The following PARD3B variants were observed in gnomAD, a reference collection of about 807,000 sequenced individuals.
PARD3B encodes partitioning defective 3 homolog B.
In PARD3B, 103 loss-of-function variants were observed where a neutral mutation model predicts 130.2. The observed-to-expected ratio is 0.79, with a 90% confidence interval of 0.67 to 0.93. PARD3B has a LOEUF of 0.93. PARD3B is among the 40% of genes least tolerant of loss of function. The pLI is 0.00. For missense variants in PARD3B, 1,609 were observed against 1,499.2 expected, an observed-to-expected ratio of 1.07 and a Z score of -1.21; for synonymous variants, 583 against 553.2, an observed-to-expected ratio of 1.05 and a Z score of -0.76.
intron 4 of PARD3B, among the ~76,000 whole-genome samples, chr2:205,066,721 G>GAGGAAACAT (rs1279529483): frequency 6.6e-6 from 1 of 152,170 alleles, no homozygotes; most frequent in Non-Finnish European, 1.5e-5. Flanking sequence ...AATTTGTAAT[G>GAGGAAACAT]AGGAAACATG....
At chr2:204,978,196 C>T (rs1382391283) in intron 3 of PARD3B, among the ~76,000 whole-genome samples, 3 of 152,096 alleles carry the variant, frequency 2.0e-5, no homozygotes, top group African/African-American at 7.2e-5. Context: ...GAGAGAGTAA[C>T]CAACACAAAC....
intron 2 of PARD3B, among the ~76,000 whole-genome samples, chr2:204,804,063 A>G (rs2042675889): frequency 6.6e-6 from 1 of 152,120 alleles, no homozygotes. Flanking sequence ...AAAAACAACA[A>G]CAACAAAAAA....
chr2:205,042,253 T>A (rs578014883), intron 3 of PARD3B, among the ~76,000 whole-genome samples: 60 of 152,268 alleles, frequency 3.9e-4, no homozygotes, highest in African/African-American at 1.3e-3. Context: ...AAAATAGTGA[T>A]TACTGGAGAA....
rs769502547 is a variant in PARD3B at position 205,121,776 on chromosome 2, C to G, written c.992C>G (p.Ala331Gly). The G allele has an allele frequency of 3.7e-6, 6 of 1,614,094 alleles. No homozygotes were observed. The highest frequency in any genetic ancestry group is 2.2e-5 in the East Asian group (1 of 44,870). Residue 331 changes from alanine to glycine, a missense_variant, in exon 8 of 23, where the codon GCA becomes GGA. Transcript: ENST00000406610. This position sits in a 1 kb window ranked among gnomAD's most constrained non-coding sequence, Gnocchi z 5.0. ...CATGGAAAATCGGGACTAAAGACAG[C>G]AAATCTCACAGGAACCGATAGTCCT... Reference protein sequence around the residue: ...PVHGKSGLKTANLTGTDSPET... With the variant: ...PVHGKSGLKTGNLTGTDSPET...
At chr2:204,816,046 G>A (rs2043135128) in intron 2 of PARD3B, among the ~76,000 whole-genome samples, 2 of 151,878 alleles carry the variant, frequency 1.3e-5, no homozygotes, top group African/African-American at 4.8e-5. Flanking sequence ...ATCAAATATT[G>A]TGATAAGGGT....
intron 1 of PARD3B, among the ~76,000 whole-genome samples, chr2:204,548,593 ATAT>A (rs1337082443): frequency 6.6e-6 from 1 of 152,194 alleles, no homozygotes; most frequent in African/African-American, 2.4e-5. Flanking sequence ...GAATTTATCC[ATAT>A]TGTTTGTTTT....
At chr2:204,771,030 C>A (rs1045119133) in intron 2 of PARD3B, among the ~76,000 whole-genome samples, 1 of 152,038 alleles carries the variant, frequency 6.6e-6, no homozygotes, top group African/African-American at 2.4e-5. Flanking sequence ...TATTGTTTAG[C>A]AAATCGCTGG....
rs376709313 is a variant in PARD3B, at chr2:204,955,257, A to G, written c.223-9895A>G. Among the ~76,000 whole-genome samples, 11 of 152,370 alleles carry G rather than the reference A, an allele frequency of 7.2e-5. No individual in the cohort carries two copies. In the East Asian group the frequency reaches 2.1e-3, roughly 29 times the overall value. ...CACAAATTAGTTTTACAATTTCAAA[A>G]TAATTCCTCTGGAAGAAAATCAAAT... On this transcript the variant is annotated intron_variant, in intron 2 of 22. Transcript: ENST00000406610.
At chr2:204,651,129 A>G (rs2035462059) in intron 1 of PARD3B, among the ~76,000 whole-genome samples, 2 of 152,140 alleles carry the variant, frequency 1.3e-5, no homozygotes, top group South Asian at 2.1e-4. Context: ...TCCTTCTCAC[A>G]TTTCAAAACA....
intron 2 of PARD3B, among the ~76,000 whole-genome samples, chr2:204,709,753 C>T (rs1251378945): frequency 6.6e-6 from 1 of 152,190 alleles, no homozygotes; most frequent in Non-Finnish European, 1.5e-5. Context: ...CAACAATTTC[C>T]AGACCAGGAA....
intron 16 of PARD3B, among the ~76,000 whole-genome samples, chr2:205,255,487 C>G (rs1403245649): frequency 6.6e-6 from 1 of 152,208 alleles, no homozygotes; most frequent in African/African-American, 2.4e-5. Context: ...CACTATCTAC[C>G]TGGCGATAGA....
chr2:204,572,132 C>T (rs950768446), intron 1 of PARD3B, among the ~76,000 whole-genome samples: 1 of 152,056 alleles, frequency 6.6e-6, no homozygotes, highest in Admixed American at 6.5e-5. Context: ...TGACAGTGGT[C>T]AGTTACATAG....
intron 4 of PARD3B, among the ~76,000 whole-genome samples, chr2:205,080,897 A>G (rs1701366231): frequency 6.6e-6 from 1 of 151,988 alleles, no homozygotes; most frequent in Non-Finnish European, 1.5e-5. Flanking sequence ...ACCTCTTCAT[A>G]TGTTTGTTGG....
At chr2:205,329,615 C>T (rs915217971) in intron 18 of PARD3B, among the ~76,000 whole-genome samples, 4 of 152,150 alleles carry the variant, frequency 2.6e-5, no homozygotes, top group African/African-American at 4.8e-5. Flanking sequence ...AAGCAACATG[C>T]GGTAGGCTAG....
At chr2:205,483,399 G>A (rs1038439704) in intron 20 of PARD3B, among the ~76,000 whole-genome samples, 1 of 152,170 alleles carries the variant, frequency 6.6e-6, no homozygotes, top group Non-Finnish European at 1.5e-5. Context: ...AAGACAAAAG[G>A]CCCCTGGAAG....
chr2:205,212,271 A>T (rs1043514801), intron 15 of PARD3B, among the ~76,000 whole-genome samples: 3 of 152,140 alleles, frequency 2.0e-5, no homozygotes, highest in African/African-American at 7.2e-5. Flanking sequence ...ACAAAGTTAA[A>T]CAGGCTTCTT....
At chr2:205,238,937 C>CAT (rs57497696) in intron 15 of PARD3B, among the ~76,000 whole-genome samples, 310 of 92,690 alleles carry the variant, frequency 3.3e-3, no homozygotes, top group Admixed American at 8.1e-3. Flanking sequence ...TATGTATGTG[C>CAT]ATATATATAT....
intron 1 of PARD3B, among the ~76,000 whole-genome samples, chr2:204,621,608 T>G (rs1245569147): frequency 6.6e-6 from 1 of 152,208 alleles, no homozygotes; most frequent in African/African-American, 2.4e-5. Flanking sequence ...TTCTTATAAA[T>G]AAAGCGGTAT....
chr2:205,535,316 G>C lies in PARD3B; in HGVS notation c.3181-18008G>C, dbSNP rs1417000054. Among the ~76,000 whole-genome samples, 6 of 152,174 alleles carry C rather than the reference G, an allele frequency of 3.9e-5. No individual in the cohort carries two copies. In the East Asian group the frequency reaches 9.6e-4, roughly 24 times the overall value. Reference sequence around the variant, plus strand: ...GCCCCAGTCAATAGGTAGGGAGGGAGCAGAGTGGTGGTACTCAGACTCTTT... The same window carrying C: ...GCCCCAGTCAATAGGTAGGGAGGGACCAGAGTGGTGGTACTCAGACTCTTT... On this transcript the variant is annotated intron_variant, in intron 21 of 22. Transcript: ENST00000406610.
Sources: allele counts gnomAD v4.1 joint callset (sites outside exome capture counted in the v4.1 genomes callset), GRCh38; gene constraint gnomAD v4.1.1; non-coding constraint Gnocchi (gnomAD v3.1); transcripts MANE v1.5; gene names NCBI Gene and HGNC (gene_info 2026-07-23, HGNC 2026-07-21).